SMARCAD1: variants seen among roughly 807,000 people sequenced by gnomAD.
SMARCAD1 encodes SWI/SNF-related matrix-associated actin-dependent regulator of chromatin subfamily A containing DEAD/H box 1.
A neutral mutation model predicts 127.1 loss-of-function variants in SMARCAD1; 25 were observed. The observed-to-expected ratio is 0.20, with a 90% CI of 0.14 to 0.27. SMARCAD1 has a LOEUF of 0.27. Among genes scored for constraint, SMARCAD1 ranks in the 10% least tolerant of loss-of-function variants. SMARCAD1 has a pLI of 1.00. For missense variants in SMARCAD1, 807 were observed against 1,206.0 expected (o/e 0.67, Z 4.90); for synonymous variants, 400 against 396.9 (o/e 1.01, Z -0.09).
chr4:94,271,379 A>G (rs1294151471), intron 11 of SMARCAD1, among the ~76,000 whole-genome samples: 1 of 152,208 alleles, frequency 6.6e-6, no homozygotes, highest in East Asian at 1.9e-4. Flanking sequence ...AGTTTGTTAT[A>G]GCCAGTAGTC....
intron 2 of SMARCAD1, among the ~76,000 whole-genome samples, chr4:94,223,913 G>A (rs1454454030): frequency 2.0e-5 from 3 of 151,804 alleles, no homozygotes; most frequent in East Asian, 3.9e-4. Context: ...CAGAAAGTAG[G>A]ACTTTATTGT....
At chr4:94,219,575 A>T (rs977190416) in intron 2 of SMARCAD1, among the ~76,000 whole-genome samples, 1 of 152,082 alleles carries the variant, frequency 6.6e-6, no homozygotes, top group African/African-American at 2.4e-5. Context: ...TATGCATACC[A>T]CTCATACCAC....
At chr4:94,225,630 T>C (rs1380998485) in intron 2 of SMARCAD1, among the ~76,000 whole-genome samples, 1 of 152,206 alleles carries the variant, frequency 6.6e-6, no homozygotes, top group Non-Finnish European at 1.5e-5. Context: ...AGAGCTAATA[T>C]TTATGGGATG....
rs1388888135 is a variant in SMARCAD1, at chr4:94,285,123, A to G, written c.3019+54A>G. ...TATTTATCTATATGACCATGCATCT[A>G]ATTAGTCAGTGCAAGAGGATGACAA... On this transcript the variant is annotated intron_variant, in intron 23 of 23. Transcript: ENST00000354268. The G allele has an allele frequency of 7.7e-6, 9 of 1,168,640 alleles. No individual in the cohort carries two copies. In the African/African-American group the frequency reaches 1.1e-4, roughly 14 times the overall value. 72.4% of individuals were successfully genotyped at this position (1,168,640 alleles called of 1,614,324 possible).
chr4:94,245,110 A>G (rs943062881), intron 6 of SMARCAD1, among the ~76,000 whole-genome samples: 1 of 152,330 alleles, frequency 6.6e-6, no homozygotes. Context: ...GAAGAATTTG[A>G]TACTTCAGAG....
chr4:94,245,475 G>A (rs1748269764), intron 6 of SMARCAD1, among the ~76,000 whole-genome samples: 1 of 152,228 alleles, frequency 6.6e-6, no homozygotes, highest in Non-Finnish European at 1.5e-5. Flanking sequence ...CAGCTTTAGT[G>A]TAAAAGGAGG....
intron 3 of SMARCAD1, among the ~76,000 whole-genome samples, chr4:94,230,315 C>T (rs1404223434): frequency 6.6e-6 from 1 of 151,734 alleles, no homozygotes; most frequent in African/African-American, 2.4e-5. Context: ...CAAAAGATAG[C>T]ATACTACATG....
rs921733032 is a variant in SMARCAD1 at position 94,280,776 on chromosome 4, A to G, written c.2603A>G (p.Gln868Arg). 6.2e-7 allele frequency: 1 copy of G among 1,613,498 alleles called. No homozygotes were observed. Among genetic ancestry groups the G allele is most frequent in the Non-Finnish European group, 8.5e-7 (1 of 1,179,732 alleles). The change falls in exon 20 of 24, where the codon CAG (glutamine) becomes CGG (arginine). Residue 868 changes from glutamine to arginine, a missense_variant. Coordinates refer to ENST00000354268, the MANE Select transcript of SMARCAD1 (RefSeq NM_020159.5). The part of the protein sequence containing the change: ...VLGCILSELK[Q>R]KGDRVVLFSQ... ...GGATGCATCTTGTCTGAATTGAAAC[A>G]GAAGGTATTAAAAAAGAATGGCGTT... is the stretch of plus-strand genomic sequence containing the variant.
chr4:94,279,896 C>T (rs1354097556), intron 19 of SMARCAD1, among the ~76,000 whole-genome samples: 1 of 151,536 alleles, frequency 6.6e-6, no homozygotes, highest in Non-Finnish European at 1.5e-5. Context: ...TAGACTTTTG[C>T]TCTTGTCGCC....
intron 6 of SMARCAD1, among the ~76,000 whole-genome samples, chr4:94,241,868 A>G (rs1325126213): frequency 2.0e-5 from 3 of 152,198 alleles, no homozygotes; most frequent in Admixed American, 1.3e-4. Flanking sequence ...AAATGGGCCT[A>G]TTGAGCAGGC....
intron 10 of SMARCAD1, among the ~76,000 whole-genome samples, chr4:94,266,231 CT>C (rs1181917031): frequency 6.6e-6 from 1 of 152,072 alleles, no homozygotes; most frequent in African/African-American, 2.4e-5. Context: ...CTCTACAAGA[CT>C]TACCCAGTTG....
chr4:94,218,480 A>G (rs1179707496), intron 2 of SMARCAD1, among the ~76,000 whole-genome samples: 2 of 151,928 alleles, frequency 1.3e-5, no homozygotes, highest in African/African-American at 4.8e-5. Context: ...TTTGGTGGAG[A>G]CAGGGTTTCA....
At position 94,283,206 on chromosome 4, in the gene SMARCAD1, C is replaced by G; in HGVS notation, c.2812C>G (p.Leu938Val). The G allele has an allele frequency of 6.2e-7, 1 of 1,613,614 alleles. No homozygotes were observed. The highest frequency in any genetic ancestry group is 8.5e-7 in the Non-Finnish European group (1 of 1,179,910). The change falls in exon 22 of 24, where the codon CTG (leucine) becomes GTG (valine). Residue 938 changes from leucine (L) to valine (V), a missense_variant. Transcript: ENST00000354268. ...STKAGGLGIN[L>V]TSANVVILHD... ...AAAAGCTGGTGGATTAGGAATAAATCTGACTTCAGCAAATGTTGTTATACT... is the reference window on the plus strand; with the variant it reads ...AAAAGCTGGTGGATTAGGAATAAATGTGACTTCAGCAAATGTTGTTATACT...
Position 94,290,987 on chromosome 4 carries a change from G to C in SMARCAD1, c.*1453G>C. 2.2e-6 allele frequency: 1 copy of C among 448,196 alleles called. No individual in the cohort carries two copies. Among genetic ancestry groups the C allele is most frequent in the Non-Finnish European group, 4.4e-6 (1 of 224,730 alleles). The allele number at this position is 448,196 out of a possible 1,614,324, so 27.8% of individuals were successfully genotyped here. ...TTAACCCCAGTCTTGATGGTATATT[G>C]AACAGACTGAATATATTTTACCATT... On this transcript the variant is annotated 3_prime_UTR_variant, in exon 24 of 24. Transcript: ENST00000354268.
chr4:94,256,312 C>G (rs1258222922), intron 9 of SMARCAD1, among the ~76,000 whole-genome samples: 1 of 151,872 alleles, frequency 6.6e-6, no homozygotes, highest in Admixed American at 6.6e-5. Context: ...ACACTGTGCT[C>G]CTCATTATGT....
chr4:94,216,850 C>T (rs1367743134), intron 2 of SMARCAD1, among the ~76,000 whole-genome samples: 1 of 152,200 alleles, frequency 6.6e-6, no homozygotes, highest in Non-Finnish European at 1.5e-5. Flanking sequence ...CTTGGATTGC[C>T]TCCACATCTT....
chr4:94,277,107 A>T lies in SMARCAD1; in HGVS notation c.2030A>T (p.His677Leu). 1 of 1,614,082 alleles carries T rather than the reference A, an allele frequency of 6.2e-7. No individual in the cohort carries two copies. Among genetic ancestry groups the T allele is most frequent in the South Asian group, 1.1e-5 (1 of 91,082 alleles). The change falls in exon 16 of 24, where the codon CAC (histidine) becomes CTC (leucine). Residue 677 changes from histidine (H) to leucine (L), a missense_variant. By Grantham distance (99) the His-to-Leu change is moderately conservative (BLOSUM62 -3). Transcript: ENST00000354268. ...TCGCTGTTGAATTTTGTTATGCCAC[A>T]CATGTTTAGTAGTAGCACCAGTGAA... ...LMSLLNFVMPHMFSSSTSEIR... is the reference protein window; with the variant it reads ...LMSLLNFVMPLMFSSSTSEIR...
At chr4:94,233,883 A>G (rs1420270922) in intron 3 of SMARCAD1, 71 bp from the exon 4 acceptor site, 5 of 1,482,012 alleles carry the variant, frequency 3.4e-6, no homozygotes, top group Admixed American at 3.5e-5. Flanking sequence ...ATGTATACAC[A>G]TAGACACTAT....
At chr4:94,232,442 A>T (rs1448155438) in intron 3 of SMARCAD1, among the ~76,000 whole-genome samples, 2 of 152,214 alleles carry the variant, frequency 1.3e-5, no homozygotes, top group Admixed American at 6.5e-5. Flanking sequence ...GGCAAGGTCA[A>T]GTAGGGAGCA....
Sources: allele counts gnomAD v4.1 joint callset (sites outside exome capture counted in the v4.1 genomes callset), GRCh38; gene constraint gnomAD v4.1.1; transcripts MANE v1.5; gene names NCBI Gene and HGNC (gene_info 2026-07-23, HGNC 2026-07-21).